Variants in VEPH1 observed in about 807,000 individuals in gnomAD.
VEPH1 encodes the protein ventricular zone-expressed PH domain-containing protein homolog 1.
In VEPH1, 80 loss-of-function variants were observed where a neutral mutation model predicts 85.2. The observed-to-expected ratio is 0.94, with a 90% CI of 0.78 to 1.13. The LOEUF is 1.13. Among genes scored for constraint, VEPH1 ranks in the 50% most tolerant of loss-of-function variants. The probability of loss-of-function intolerance (pLI) is 0.00; values close to 1 mark genes in which losing one functional copy is unlikely to be tolerated. For missense variants in VEPH1, 955 were observed against 980.5 expected, an observed-to-expected ratio of 0.97 and a Z score of 0.35; for synonymous variants, 297 against 348.0, an observed-to-expected ratio of 0.85 and a Z score of 1.63.
intron 7 of VEPH1, among the ~76,000 whole-genome samples, chr3:157,369,192 A>ACAAACAAAAAAAAAAAAAAC (rs1553773116): frequency 7.0e-6 from 1 of 142,702 alleles, no homozygotes; most frequent in South Asian, 2.4e-4. Context: ...AAAAAAAAAA[A>ACAAACAAAAAAAAAAAAAAC]AAAAAAAAAA....
intron 6 of VEPH1, among the ~76,000 whole-genome samples, chr3:157,394,994 G>T (rs933910428): frequency 2.0e-5 from 3 of 152,050 alleles, no homozygotes; most frequent in African/African-American, 7.2e-5. Flanking sequence ...GGTTGGCATT[G>T]TAATTATGAC....
intron 12 of VEPH1, among the ~76,000 whole-genome samples, chr3:157,277,965 A>G (rs1293066278): frequency 6.6e-6 from 1 of 152,198 alleles, no homozygotes; most frequent in Non-Finnish European, 1.5e-5. Flanking sequence ...GAAAAAAATT[A>G]TTACTGAAAA....
chr3:157,472,985 G>C (rs1396338053), intron 2 of VEPH1, among the ~76,000 whole-genome samples: 2 of 149,264 alleles, frequency 1.3e-5, no homozygotes, highest in East Asian at 4.0e-4. Flanking sequence ...ATGTTTCCTA[G>C]TGTATTTTGT....
At chr3:157,407,384 A>G (rs1731225909) in intron 6 of VEPH1, among the ~76,000 whole-genome samples, 1 of 152,178 alleles carries the variant, frequency 6.6e-6, no homozygotes, top group Admixed American at 6.6e-5. Context: ...ATTTTAAATT[A>G]TGAAGGTTTA....
At chr3:157,365,435 G>T (rs1423278646) in intron 7 of VEPH1, among the ~76,000 whole-genome samples, 1 of 152,076 alleles carries the variant, frequency 6.6e-6, no homozygotes, top group Non-Finnish European at 1.5e-5. Flanking sequence ...CCAATATGTG[G>T]GTTTTTTTCT....
intron 9 of VEPH1, among the ~76,000 whole-genome samples, chr3:157,328,115 A>G (rs545806422): frequency 6.6e-6 from 1 of 152,352 alleles, no homozygotes; most frequent in African/African-American, 2.4e-5. Flanking sequence ...GTGACCGGCC[A>G]TCCCGATTTG....
chr3:157,467,733 CG>C (rs1219752980), intron 3 of VEPH1, among the ~76,000 whole-genome samples: 1 of 152,170 alleles, frequency 6.6e-6, no homozygotes, highest in African/African-American at 2.4e-5. Context: ...ATCCCTACAC[CG>C]GCCCTACATG....
chr3:157,493,507 A>G (rs1012178631), intron 2 of VEPH1, among the ~76,000 whole-genome samples: 5 of 152,318 alleles, frequency 3.3e-5, no homozygotes, highest in East Asian at 3.9e-4. Flanking sequence ...ATATATGTAA[A>G]TTACAAGCTA....
chr3:157,420,253 A>G (rs1455764917), intron 5 of VEPH1, among the ~76,000 whole-genome samples: 1 of 152,112 alleles, frequency 6.6e-6, no homozygotes, highest in East Asian at 1.9e-4. Context: ...TGATGGGTTG[A>G]TCTGTGTAGC....
chr3:157,334,540 T>C (rs1722786586), intron 9 of VEPH1, among the ~76,000 whole-genome samples: 1 of 152,208 alleles, frequency 6.6e-6, no homozygotes, highest in Admixed American at 6.5e-5. Flanking sequence ...TATCCTGCAC[T>C]GGGGAAATGT....
chr3:157,340,892 C>A (rs1723478681), intron 9 of VEPH1, among the ~76,000 whole-genome samples: 2 of 152,202 alleles, frequency 1.3e-5, no homozygotes, highest in African/African-American at 4.8e-5. Flanking sequence ...GCAGCCTCTG[C>A]TGCTGATACC....
intron 9 of VEPH1, among the ~76,000 whole-genome samples, chr3:157,339,662 A>T (rs1351633512): frequency 2.0e-5 from 3 of 152,230 alleles, no homozygotes; most frequent in Non-Finnish European, 4.4e-5. Flanking sequence ...GGAAAGTGAT[A>T]GAGGGTGGGA....
intron 12 of VEPH1, among the ~76,000 whole-genome samples, chr3:157,284,203 ATAT>A (rs1467691092): frequency 1.3e-5 from 2 of 152,256 alleles, no homozygotes; most frequent in Admixed American, 1.3e-4. Flanking sequence ...CCATTTAAAA[ATAT>A]TATTCATTCA....
intron 11 of VEPH1, among the ~76,000 whole-genome samples, chr3:157,303,858 G>A (rs1719112474): frequency 1.3e-5 from 2 of 151,586 alleles, no homozygotes; most frequent in East Asian, 1.9e-4. Flanking sequence ...AGAATCCTCC[G>A]CCCCCACTGG....
chr3:157,409,991 AT>A, intron 6 of VEPH1: 1 of 948,494 alleles, frequency 1.1e-6, no homozygotes, highest in Non-Finnish European at 1.3e-6. Flanking sequence ...GTATGCTCTG[AT>A]CAGTCAGAGA....
intron 9 of VEPH1, among the ~76,000 whole-genome samples, chr3:157,330,234 T>G (rs1398130279): frequency 6.6e-6 from 1 of 152,216 alleles, no homozygotes; most frequent in African/African-American, 2.4e-5. Context: ...TAGCAAGACC[T>G]CTATAGTCAA....
At chr3:157,435,439 A>G (rs1267695854) in intron 4 of VEPH1, among the ~76,000 whole-genome samples, 1 of 152,226 alleles carries the variant, frequency 6.6e-6, no homozygotes, top group African/African-American at 2.4e-5. Context: ...GTAGAGTTCA[A>G]AGAGAGACAT....
At chr3:157,453,969 A>G (rs1735169123) in intron 4 of VEPH1, among the ~76,000 whole-genome samples, 2 of 152,186 alleles carry the variant, frequency 1.3e-5, no homozygotes, top group South Asian at 4.1e-4. Flanking sequence ...TAGAAAGTGT[A>G]CTTTGTGTTT....
intron 4 of VEPH1, among the ~76,000 whole-genome samples, chr3:157,433,585 T>C (rs1733332704): frequency 6.6e-6 from 1 of 152,258 alleles, no homozygotes; most frequent in Non-Finnish European, 1.5e-5. Context: ...TTATGCACAT[T>C]GCTGTGCATA....
Sources: allele counts gnomAD v4.1 joint callset (sites outside exome capture counted in the v4.1 genomes callset), GRCh38; gene constraint gnomAD v4.1.1; transcripts MANE v1.5; gene names NCBI Gene and HGNC (gene_info 2026-07-23, HGNC 2026-07-21).